Variants in EGF observed in about 807,000 individuals in gnomAD.
EGF encodes the protein pro-epidermal growth factor.
EGF carries 95 observed loss-of-function variants against 143.8 expected under a neutral mutation model. The ratio of observed to expected loss-of-function variants is 0.66; its 90% confidence interval spans 0.56 to 0.78. The LOEUF (loss-of-function observed/expected upper bound fraction) is 0.78, where lower values mean the gene tolerates loss of function less well. EGF is among the 30% of genes least tolerant of loss of function. The pLI, the probability that EGF is intolerant of heterozygous loss-of-function variation, is 0.00. For missense variants in EGF, 1,320 were observed against 1,470.9 expected (o/e 0.90, Z 1.68); for synonymous variants, 510 against 510.5 (o/e 1.00, Z 0.01).
At chr4:110,001,702 A>T (rs1046937787) in intron 21 of EGF, 1 of 985,338 alleles carries the variant, frequency 1.0e-6, no homozygotes, top group African/African-American at 1.7e-5. Context: ...GAATTCAAAG[A>T]CCAGCTCAGC....
intron 17 of EGF, 66 bp from the exon 18 acceptor site, chr4:109,988,518 T>A: frequency 6.2e-7 from 1 of 1,609,412 alleles, no homozygotes; most frequent in Non-Finnish European, 8.5e-7. Flanking sequence ...TGCTTATTCT[T>A]TCCAACTAGT....
Position 109,983,519 on chromosome 4 carries a change from A to C in EGF, c.2469A>C (p.Leu823=). 6.2e-7 allele frequency: 1 copy of C among 1,613,826 alleles called. No individual in the cohort carries two copies. The part of the protein sequence containing the change: ...EDNITESQHM[L]VAEIMVSDQD... The stretch of plus-strand genomic sequence containing the variant: ...ACATTACAGAATCTCAACACATGCT[A>C]GTGGCTGAAATCATGGTGTCAGGTA... Residue 823 remains leucine, a synonymous_variant, in exon 16 of 24, where the codon CTA becomes CTC. Transcript: ENST00000265171.
rs1292672797 is a variant in EGF at position 109,943,505 on chromosome 4, T to C, written c.509+70T>C. On this transcript the variant is annotated intron_variant, in intron 3 of 23. Coordinates refer to ENST00000265171, the MANE Select transcript of EGF (RefSeq NM_001963.6). ...AGTGAAGATTGATAGAATTATAACA[T>C]TGTAAATTCAAAGGGATCCTCTCAC... 14 of 1,540,546 alleles carry C rather than the reference T, an allele frequency of 9.1e-6. No homozygotes were observed. In the Admixed American group the frequency reaches 2.2e-4, roughly 24 times the overall value.
chr4:110,010,029 G>GT (rs1363351286), intron 23 of EGF, among the ~76,000 whole-genome samples: 8 of 152,184 alleles, frequency 5.3e-5, no homozygotes, highest in African/African-American at 1.9e-4. Flanking sequence ...GAGGTCAGGA[G>GT]TTTGAGACCA....
chr4:109,922,812 A>G (rs1738020959), intron 1 of EGF, among the ~76,000 whole-genome samples: 1 of 151,662 alleles, frequency 6.6e-6, no homozygotes, highest in Non-Finnish European at 1.5e-5. Flanking sequence ...TTAGATTGCT[A>G]TGAGTACTAA....
At chr4:109,916,292 G>A (rs950730400) in intron 1 of EGF, among the ~76,000 whole-genome samples, 1 of 152,044 alleles carries the variant, frequency 6.6e-6, no homozygotes, top group South Asian at 2.1e-4. Flanking sequence ...AGGGTTATGC[G>A]ATTTTTTTTC....
chr4:109,920,472 G>T (rs1020136169), intron 1 of EGF, among the ~76,000 whole-genome samples: 1 of 151,570 alleles, frequency 6.6e-6, no homozygotes, highest in Admixed American at 6.6e-5. Context: ...ACTTGATGGG[G>T]CGAGGAGAAG....
At chr4:109,988,544 A>T in intron 17 of EGF, 40 bp from the exon 18 acceptor site, 8 of 1,613,450 alleles carry the variant, frequency 5.0e-6, no homozygotes, top group Non-Finnish European at 6.8e-6. Flanking sequence ...TTATATCAGG[A>T]TTGCCTAAAT....
At chr4:109,981,668 T>A (rs1749381176) in intron 15 of EGF, among the ~76,000 whole-genome samples, 3 of 152,254 alleles carry the variant, frequency 2.0e-5, no homozygotes, top group African/African-American at 7.2e-5. Context: ...GTAGGCATGG[T>A]GTAAATATAA....
intron 20 of EGF, among the ~76,000 whole-genome samples, chr4:109,996,942 T>G (rs1751874424): frequency 6.6e-6 from 1 of 152,198 alleles, no homozygotes; most frequent in Non-Finnish European, 1.5e-5. Flanking sequence ...GTGAAATGCT[T>G]TTTAAAAACA....
At chr4:109,940,836 C>G (rs1050267995) in intron 1 of EGF, 110 bp from the exon 2 acceptor site, 31 of 1,090,724 alleles carry the variant, frequency 2.8e-5, no homozygotes, top group Non-Finnish European at 4.3e-5. Flanking sequence ...AAACAGAAAA[C>G]CAGTAATTAA....
intron 1 of EGF, among the ~76,000 whole-genome samples, chr4:109,927,427 AC>A (rs1471173953): frequency 6.6e-6 from 1 of 151,840 alleles, no homozygotes; most frequent in Non-Finnish European, 1.5e-5. Flanking sequence ...GGAGATGTCC[AC>A]CAAAGACATG....
chr4:109,974,940 T>G (rs554996795), intron 12 of EGF, 133 bp downstream of exon 12: 6 of 636,854 alleles, frequency 9.4e-6, no homozygotes, highest in African/African-American at 7.3e-5. Context: ...GAATTCCTCA[T>G]GCTTTTAATG....
Position 109,931,426 on chromosome 4 carries a change from A to C in EGF, c.128-9520A>C, listed in dbSNP as rs569949692. Among the ~76,000 whole-genome samples the C allele has an allele frequency of 3.9e-5, 6 of 152,346 alleles. No individual in the cohort carries two copies. In the South Asian group the frequency reaches 1.2e-3, roughly 32 times the overall value. ...TACAATTGGCTACGCAAAGAAAATGAAGATTGTAATATCTTGACATGTGAC... is the reference window on the plus strand; with the variant it reads ...TACAATTGGCTACGCAAAGAAAATGCAGATTGTAATATCTTGACATGTGAC... On this transcript the variant is annotated intron_variant, in intron 1 of 23. Coordinates refer to ENST00000265171, the MANE Select transcript of EGF (RefSeq NM_001963.6).
At chr4:109,964,572 C>G (rs765061500) in intron 10 of EGF, 35 bp downstream of exon 10, 1 of 1,613,314 alleles carries the variant, frequency 6.2e-7, no homozygotes, top group South Asian at 1.1e-5. Flanking sequence ...TGTGGACATG[C>G]TTTAAGGACA....
chr4:109,983,330 C>T, intron 15 of EGF, 92 bp from the exon 16 acceptor site: 2 of 1,450,604 alleles, frequency 1.4e-6, no homozygotes. Flanking sequence ...TCTGAACTCA[C>T]AACCAATGAA....
At chr4:109,975,918 C>T in intron 12 of EGF, 94 bp from the exon 13 acceptor site, 3 of 1,344,474 alleles carry the variant, frequency 2.2e-6, no homozygotes, top group Non-Finnish European at 3.2e-6. Context: ...TTTAGTATAT[C>T]ATGAGGTAAT....
rs926881361 is a variant in EGF at position 109,943,276 on chromosome 4, A to G, written c.350A>G (p.Asn117Ser). ...RQERVCNIEKNVSGMAINWIN... is the reference protein window; with the variant it reads ...RQERVCNIEKSVSGMAINWIN... ...CAGAGAGTATGTAATATAGAGAAAA[A>G]TGTTTCTGGAATGGCAATAAATTGG... is the stretch of plus-strand genomic sequence containing the variant. The change falls in exon 3 of 24, where the codon AAT becomes AGT. Residue 117 changes from asparagine (N) to serine (S), a missense_variant. Around this residue, in one of 5 missense-constraint regions of EGF, gnomAD observed 41 missense variants for 38.1 expected, o/e 1.07. Coordinates refer to ENST00000265171, the MANE Select transcript of EGF (RefSeq NM_001963.6). The G allele has an allele frequency of 1.7e-5, 27 of 1,606,832 alleles. No individual in the cohort carries two copies. Among genetic ancestry groups the G allele is most frequent in the Non-Finnish European group, 2.2e-5 (26 of 1,176,846 alleles).
chr4:109,959,265 T>C (rs146070944), intron 5 of EGF, 47 bp from the exon 6 acceptor site: 1 of 1,612,596 alleles, frequency 6.2e-7, no homozygotes, highest in African/African-American at 1.3e-5. Context: ...AGCAGTGTCC[T>C]CTGTCAAAAC....
Sources: gnomAD v4.1 joint callset for allele counts (sites outside exome capture counted in the v4.1 genomes callset) on GRCh38, gnomAD v4.1.1 for gene constraint, gnomAD v4.1.1 regional missense constraint, MANE v1.5 for transcripts, NCBI Gene and HGNC (gene_info 2026-07-23, HGNC 2026-07-21) for gene names.